RNF13: variants seen among roughly 807,000 people sequenced by gnomAD.
RNF13 encodes E3 ubiquitin-protein ligase RNF13.
A neutral mutation model predicts 37.7 loss-of-function variants in RNF13; 19 were observed. That is an observed-to-expected ratio of 0.50 (90% CI 0.35 to 0.74). The LOEUF (loss-of-function observed/expected upper bound fraction) is 0.74. Among genes scored for constraint, RNF13 ranks in the 30% least tolerant of loss-of-function variants. The pLI is 0.01. For missense variants in RNF13, 375 were observed against 453.0 expected, an observed-to-expected ratio of 0.83 and a Z score of 1.56; for synonymous variants, 144 against 157.8, an observed-to-expected ratio of 0.91 and a Z score of 0.65.
chr3:149,897,849 A>G (rs564972379), intron 5 of RNF13, among the ~76,000 whole-genome samples: 1 of 152,318 alleles, frequency 6.6e-6, no homozygotes, highest in Admixed American at 6.5e-5. Flanking sequence ...AGGAAGTTGT[A>G]AAAGCCCCTT....
chr3:149,886,408 T>C (rs75523818), intron 4 of RNF13, among the ~76,000 whole-genome samples: 1,913 of 152,198 alleles, frequency 0.013, 38 homozygotes, highest in African/African-American at 0.044. Context: ...TCATTGCTAG[T>C]GTATAGAGAA....
chr3:149,832,644 A>C (rs191133070), intron 1 of RNF13, among the ~76,000 whole-genome samples: 37 of 152,322 alleles, frequency 2.4e-4, no homozygotes, highest in Middle Eastern at 3.4e-3. Flanking sequence ...CTTTCATTAT[A>C]GTGACTAAAG....
intron 8 of RNF13, among the ~76,000 whole-genome samples, chr3:149,954,010 G>A (rs1226218462): frequency 1.3e-5 from 2 of 152,066 alleles, no homozygotes; most frequent in African/African-American, 4.8e-5. Context: ...TGCCAAAATC[G>A]TGAAGCAGTT....
In RNF13 at chr3:149,924,969, T is replaced by C. The variant is rs552071249; in HGVS notation, c.700+3742T>C. Among the ~76,000 whole-genome samples, 8 of 152,228 alleles carry C rather than the reference T, an allele frequency of 5.3e-5. No individual in the cohort carries two copies. In the South Asian group the frequency reaches 1.5e-3, roughly 28 times the overall value. ...GCTAAGGGAAAGTAGAATATGTGGG[T>C]GAAAAATCACAGTAGGTGGGTATTT... On this transcript the variant is annotated intron_variant, in intron 8 of 9. Coordinates refer to ENST00000392894, the MANE Select transcript of RNF13 (RefSeq NM_183381.3).
intron 2 of RNF13, among the ~76,000 whole-genome samples, chr3:149,849,690 G>A (rs1217358196): frequency 6.6e-6 from 1 of 152,178 alleles, no homozygotes; most frequent in Non-Finnish European, 1.5e-5. Flanking sequence ...ACATTCTGTT[G>A]TCAATCTGTA....
chr3:149,890,912 G>GCT (rs1714629779), intron 4 of RNF13, among the ~76,000 whole-genome samples: 1 of 152,080 alleles, frequency 6.6e-6, no homozygotes, highest in African/African-American at 2.4e-5. Flanking sequence ...GTTTCTATCA[G>GCT]CTCTTCACAC....
At chr3:149,867,214 A>G (rs1033391941) in intron 3 of RNF13, among the ~76,000 whole-genome samples, 4 of 151,574 alleles carry the variant, frequency 2.6e-5, no homozygotes, top group African/African-American at 9.7e-5. Flanking sequence ...TAATTGTTAT[A>G]TCGTCTTGCA....
chr3:149,856,119 C>CA (rs749411979), intron 3 of RNF13, among the ~76,000 whole-genome samples: 1,392 of 116,030 alleles, frequency 0.012, 5 homozygotes, highest in South Asian at 0.015. Context: ...ACTGCCTGAC[C>CA]AAAAAAAAAA....
intron 8 of RNF13, among the ~76,000 whole-genome samples, chr3:149,935,396 T>C (rs1431653162): frequency 6.6e-6 from 1 of 152,182 alleles, no homozygotes; most frequent in East Asian, 1.9e-4. Flanking sequence ...GGTAAGAACT[T>C]CCTCCTGTCA....
At chr3:149,863,391 A>AT (rs934548687) in intron 3 of RNF13, among the ~76,000 whole-genome samples, 1 of 151,476 alleles carries the variant, frequency 6.6e-6, no homozygotes, top group African/African-American at 2.4e-5. Context: ...TCTTTTTTTT[A>AT]TTTTTTAAGA....
Position 149,850,846 on chromosome 3 carries a change from A to G in RNF13, c.115-1670A>G, listed in dbSNP as rs1024369698. Reference sequence around the variant, plus strand: ...AAATGTGTTTTAATTAAGAGATTAAACGATAGATTGTGATAATGGGTTTAA... The same window carrying G: ...AAATGTGTTTTAATTAAGAGATTAAGCGATAGATTGTGATAATGGGTTTAA... On this transcript the variant is annotated intron_variant, in intron 2 of 9. Coordinates refer to ENST00000392894, the MANE Select transcript of RNF13 (RefSeq NM_183381.3). 5.3e-5 allele frequency among the ~76,000 whole-genome samples: 8 copies of G among 152,334 alleles called. No homozygotes were observed. In the South Asian group the frequency reaches 1.0e-3, roughly 20 times the overall value.
chr3:149,889,292 CGTGTGTGT>C (rs376618726), intron 4 of RNF13, among the ~76,000 whole-genome samples: 86 of 138,224 alleles, frequency 6.2e-4, no homozygotes, highest in African/African-American at 2.2e-3. Context: ...TTTGAGTGTG[CGTGTGTGT>C]GTGTGTGTGT....
At chr3:149,900,407 A>G (rs900321605) in intron 5 of RNF13, among the ~76,000 whole-genome samples, 3 of 152,016 alleles carry the variant, frequency 2.0e-5, no homozygotes, top group African/African-American at 7.2e-5. Flanking sequence ...TAGTCCTATA[A>G]CAATACCTCT....
chr3:149,827,028 G>C (rs1720572113), intron 1 of RNF13, among the ~76,000 whole-genome samples: 1 of 152,058 alleles, frequency 6.6e-6, no homozygotes, highest in Admixed American at 6.6e-5. Context: ...AGAGTGCTGG[G>C]ATTACAGGCA....
At chr3:149,953,116 T>A (rs532087170) in intron 8 of RNF13, among the ~76,000 whole-genome samples, 21 of 145,988 alleles carry the variant, frequency 1.4e-4, no homozygotes, top group Non-Finnish European at 2.7e-4. Flanking sequence ...AAAGTTGGAT[T>A]TTTTTTTTTT....
chr3:149,921,175 C>A lies in RNF13; in HGVS notation c.648C>A (p.Asn216Lys). Reference protein sequence around the residue: ...FVQDRHRARRNRLRKDQLKKL... With the variant: ...FVQDRHRARRKRLRKDQLKKL... ...AGGATAGACATAGAGCTAGAAGAAA[C>A]AGACTTCGTAAAGATCAACTTAAGA... The change falls in exon 8 of 10, where the codon AAC becomes AAA. Residue 216 changes from asparagine to lysine, a missense_variant. Coordinates refer to ENST00000392894, the MANE Select transcript of RNF13 (RefSeq NM_183381.3). 1 of 1,430,984 alleles carries A rather than the reference C, an allele frequency of 7.0e-7. No individual in the cohort carries two copies. The highest frequency in any genetic ancestry group is 9.3e-7 in the Non-Finnish European group (1 of 1,078,342). The allele number at this position is 1,430,984 out of a possible 1,614,324, so 88.6% of individuals were successfully genotyped here.
At chr3:149,935,722 A>G (rs1212808249) in intron 8 of RNF13, among the ~76,000 whole-genome samples, 6 of 152,182 alleles carry the variant, frequency 3.9e-5, no homozygotes, top group Non-Finnish European at 8.8e-5. Flanking sequence ...ACATCTTTTT[A>G]TATTGCCTGA....
At chr3:149,874,098 C>T (rs1461802644) in intron 4 of RNF13, among the ~76,000 whole-genome samples, 2 of 152,080 alleles carry the variant, frequency 1.3e-5, no homozygotes, top group Non-Finnish European at 2.9e-5. Context: ...TGTACTTTAC[C>T]ATGTAGGCAC....
At chr3:149,944,393 ACT>A (rs946643933) in intron 8 of RNF13, among the ~76,000 whole-genome samples, 2 of 152,176 alleles carry the variant, frequency 1.3e-5, no homozygotes, top group Non-Finnish European at 2.9e-5. Flanking sequence ...GAATCACCAC[ACT>A]GTCTTCCACA....
Sources: gnomAD v4.1 joint callset for allele counts (sites outside exome capture counted in the v4.1 genomes callset) on GRCh38, gnomAD v4.1.1 for gene constraint, MANE v1.5 for transcripts, NCBI Gene and HGNC (gene_info 2026-07-23, HGNC 2026-07-21) for gene names.